PPP2R2C: variants seen among roughly 807,000 people sequenced by gnomAD.
PPP2R2C encodes the protein protein phosphatase 2, regulatory subunit B, gamma.
Under a neutral mutation model 45.3 loss-of-function variants are expected in PPP2R2C, and 10 were observed. That is an observed-to-expected ratio of 0.22 (90% confidence interval 0.14 to 0.37). The LOEUF (loss-of-function observed/expected upper bound fraction) is 0.37, where lower values mean the gene tolerates loss of function less well. Ranked by LOEUF, PPP2R2C falls within the 10% of genes least tolerant of loss-of-function variation. The pLI is 1.00. For missense variants in PPP2R2C, 308 were observed against 619.7 expected (o/e 0.50, Z 5.34); for synonymous variants, 257 against 245.4 (o/e 1.05, Z -0.44).
chr4:6,372,667 C>G lies in PPP2R2C; in HGVS notation c.481G>C (p.Glu161Gln). Residue 161 changes from glutamate to glutamine, a missense_variant, in exon 5 of 9, where the codon GAG (glutamate) becomes CAG (glutamine). By Grantham distance (29) the Glu-to-Gln change is conservative (BLOSUM62 2). Transcript: ENST00000382599. ...GCAAAGATCCTCCGAGGGCTCACCTCCACCATCAGATCCATGGGCTTCAGC... is the reference window on the plus strand; with the variant it reads ...GCAAAGATCCTCCGAGGGCTCACCTGCACCATCAGATCCATGGGCTTCAGC... ...PVLKPMDLMV[E>Q]VSPRRIFANG... The G allele has an allele frequency of 1.2e-6, 2 of 1,614,166 alleles. No homozygotes were observed. The highest frequency in any genetic ancestry group is 1.7e-6 in the Non-Finnish European group (2 of 1,180,006).
intron 2 of PPP2R2C, among the ~76,000 whole-genome samples, chr4:6,531,450 A>C (rs1724395903): frequency 6.6e-6 from 1 of 152,230 alleles, no homozygotes; most frequent in South Asian, 2.1e-4. Context: ...GGGCAGCTAC[A>C]ACCGCCAGGA....
intron 6 of PPP2R2C, among the ~76,000 whole-genome samples, chr4:6,341,265 G>A (rs1733420042): frequency 6.6e-6 from 1 of 151,516 alleles, no homozygotes; most frequent in African/African-American, 2.4e-5. Context: ...CTTGAACCCA[G>A]GAGGTGGAGG....
At chr4:6,384,898 TG>T (rs1716111648) in intron 1 of PPP2R2C, 1 of 965,574 alleles carries the variant, frequency 1.0e-6, no homozygotes, top group Admixed American at 6.2e-5. Flanking sequence ...GTGCTTCAGC[TG>T]TGTGGTCTTG....
intron 2 of PPP2R2C, among the ~76,000 whole-genome samples, chr4:6,507,341 A>G (rs1560590761): frequency 6.6e-6 from 1 of 152,222 alleles, no homozygotes; most frequent in Non-Finnish European, 1.5e-5. Flanking sequence ...GGGAACATCA[A>G]GGCCTTGGGC....
At chr4:6,384,598 G>A in intron 1 of PPP2R2C, 1 of 985,054 alleles carries the variant, frequency 1.0e-6, no homozygotes, top group Non-Finnish European at 1.2e-6. Context: ...TTTATGATGG[G>A]AACATAACAA....
intron 1 of PPP2R2C, among the ~76,000 whole-genome samples, chr4:6,561,472 TG>T (rs1400851961): frequency 7.0e-6 from 1 of 142,110 alleles, no homozygotes; most frequent in Non-Finnish European, 1.5e-5. Context: ...CGGAAGGAGG[TG>T]GGGGGAGGGG....
intron 1 of PPP2R2C, among the ~76,000 whole-genome samples, chr4:6,410,947 C>A (rs756430200): frequency 7.2e-5 from 11 of 151,966 alleles, no homozygotes; most frequent in Non-Finnish European, 1.5e-4. Flanking sequence ...CTGCTCACTG[C>A]AGCTTCAACC....
chr4:6,370,222 C>G (rs907204328), intron 5 of PPP2R2C, among the ~76,000 whole-genome samples: 1 of 152,246 alleles, frequency 6.6e-6, no homozygotes, highest in Non-Finnish European at 1.5e-5. Context: ...CCCCTGCCAA[C>G]TGGGGACTCT....
At chr4:6,358,492 T>G (rs1240248147) in intron 5 of PPP2R2C, among the ~76,000 whole-genome samples, 2 of 140,734 alleles carry the variant, frequency 1.4e-5, no homozygotes, top group African/African-American at 5.4e-5. Context: ...AAATGGGATC[T>G]AATTAAACTA....
chr4:6,540,751 TC>T (rs1724781558), intron 1 of PPP2R2C, among the ~76,000 whole-genome samples: 1 of 152,266 alleles, frequency 6.6e-6, no homozygotes, highest in Admixed American at 6.5e-5. Context: ...CTCAGAATGG[TC>T]TTTCCTTGTG....
Position 6,330,574 on chromosome 4 carries a change from C to T in PPP2R2C, c.961-1221G>A, listed in dbSNP as rs774692912. Among the ~76,000 whole-genome samples the T allele has an allele frequency of 2.0e-5, 3 of 152,142 alleles. No individual in the cohort carries two copies. Among genetic ancestry groups the T allele is most frequent in the East Asian group, 1.9e-4 (1 of 5,190 alleles). On this transcript the variant is annotated intron_variant, in intron 7 of 8. Coordinates refer to ENST00000382599, the MANE Select transcript of PPP2R2C (RefSeq NM_020416.4). This position sits in a 1 kb window ranked among gnomAD's most constrained non-coding sequence, Gnocchi z 7.0. The stretch of plus-strand genomic sequence containing the variant: ...GACCGGGGGATTCCGCTAACAGATG[C>T]GTGTGGGCTCGCATAGTCACTCTCC...
At chr4:6,557,881 G>T (rs1725462227) in intron 1 of PPP2R2C, among the ~76,000 whole-genome samples, 1 of 152,160 alleles carries the variant, frequency 6.6e-6, no homozygotes, top group East Asian at 1.9e-4. Context: ...CTGGCCTGGA[G>T]TGAGGTGCAT....
At chr4:6,350,999 C>T (rs1712499985) in intron 5 of PPP2R2C, 1 of 985,332 alleles carries the variant, frequency 1.0e-6, no homozygotes, top group African/African-American at 1.7e-5. Flanking sequence ...GGGGATGTTT[C>T]AGAACTTTTC....
At chr4:6,549,497 C>T (rs920805882) in intron 1 of PPP2R2C, among the ~76,000 whole-genome samples, 2 of 152,154 alleles carry the variant, frequency 1.3e-5, no homozygotes, top group Admixed American at 6.5e-5. Flanking sequence ...GAAGGTGAGG[C>T]CCTCAGGAGT....
intron 2 of PPP2R2C, among the ~76,000 whole-genome samples, chr4:6,493,295 C>T (rs182634061): frequency 2.6e-5 from 4 of 151,972 alleles, no homozygotes; most frequent in Admixed American, 6.5e-5. Context: ...CTTTAAAATT[C>T]GTTGTTTATC....
chr4:6,474,165 CCTCT>C (rs372463555), upstream of PPP2R2C, among the ~76,000 whole-genome samples: 20 of 150,366 alleles, frequency 1.3e-4, no homozygotes, highest in Non-Finnish European at 2.2e-4. Context: ...GGCATGTTCT[CCTCT>C]CTCTCTCTCA....
chr4:6,507,018 G>A (rs776631528), intron 2 of PPP2R2C, among the ~76,000 whole-genome samples: 3 of 152,140 alleles, frequency 2.0e-5, no homozygotes, highest in African/African-American at 4.8e-5. Flanking sequence ...TGCAGCCTCA[G>A]ACATCCTAGG....
At chr4:6,482,136 C>A (rs1722375451) in intron 2 of PPP2R2C, among the ~76,000 whole-genome samples, 1 of 152,144 alleles carries the variant, frequency 6.6e-6, no homozygotes. Flanking sequence ...ATTTATTCAG[C>A]TCTTCTTTCA....
chr4:6,348,090 C>T, intron 5 of PPP2R2C, 80 bp from the exon 6 acceptor site: 2 of 1,532,040 alleles, frequency 1.3e-6, no homozygotes, highest in South Asian at 1.2e-5. Flanking sequence ...TGACACCTCT[C>T]CCGAGGCAAA....
Sources: allele counts gnomAD v4.1 joint callset (sites outside exome capture counted in the v4.1 genomes callset), GRCh38; gene constraint gnomAD v4.1.1; non-coding constraint Gnocchi (gnomAD v3.1); transcripts MANE v1.5; gene names NCBI Gene and HGNC (gene_info 2026-07-23, HGNC 2026-07-21).